SBF2: variants seen among roughly 807,000 people sequenced by gnomAD.
SBF2 encodes SET binding factor 2.
Under a neutral mutation model 225.2 loss-of-function variants are expected in SBF2, and 112 were observed. The observed-to-expected ratio is 0.50, with a 90% CI of 0.43 to 0.58. SBF2 has a LOEUF of 0.58. SBF2 is among the 20% of genes least tolerant of loss of function. The pLI, the probability that SBF2 is intolerant of heterozygous loss-of-function variation, is 0.00. For missense variants in SBF2, 1,996 were observed against 2,206.2 expected (o/e 0.90, Z 1.91); for synonymous variants, 763 against 773.3 (o/e 0.99, Z 0.22).
chr11:10,035,515 T>C (rs991598455), intron 3 of SBF2, among the ~76,000 whole-genome samples: 3 of 152,070 alleles, frequency 2.0e-5, no homozygotes, highest in Non-Finnish European at 2.9e-5. Flanking sequence ...AATCTACCCA[T>C]CTGACAAAGG....
intron 2 of SBF2, among the ~76,000 whole-genome samples, chr11:10,097,519 C>T (rs923399071): frequency 3.9e-5 from 6 of 152,004 alleles, no homozygotes; most frequent in African/African-American, 1.2e-4. Context: ...TATTCCAAAA[C>T]ACATTCTTTA....
chr11:10,096,941 T>C (rs1030721843), intron 2 of SBF2, among the ~76,000 whole-genome samples: 17 of 152,120 alleles, frequency 1.1e-4, no homozygotes, highest in Admixed American at 6.6e-4. Flanking sequence ...AATAAAGAAA[T>C]AAATGCAACA....
At chr11:10,164,714 C>T (rs1280850549) in intron 2 of SBF2, among the ~76,000 whole-genome samples, 2 of 152,140 alleles carry the variant, frequency 1.3e-5, no homozygotes, top group African/African-American at 4.8e-5. Context: ...CAGCTAAAAA[C>T]AGTCCACAGC....
intron 6 of SBF2, among the ~76,000 whole-genome samples, chr11:10,016,039 A>G (rs1284978505): frequency 6.6e-6 from 1 of 152,026 alleles, no homozygotes; most frequent in African/African-American, 2.4e-5. Context: ...GGCCTCCCAA[A>G]GTGCTGAGAT....
chr11:9,852,828 A>G (rs924164739), intron 20 of SBF2, 79 bp from the exon 21 acceptor site: 1 of 1,103,174 alleles, frequency 9.1e-7, no homozygotes, highest in Non-Finnish European at 1.4e-6. Context: ...TTTAGAATTA[A>G]AAGTTAATTA....
At chr11:10,094,891 T>G (rs1240536128) in intron 2 of SBF2, among the ~76,000 whole-genome samples, 1 of 151,342 alleles carries the variant, frequency 6.6e-6, no homozygotes, top group Non-Finnish European at 1.5e-5. Flanking sequence ...CAAGCCTTCT[T>G]AGACTCATGA....
At chr11:9,936,647 T>C (rs900457345) in intron 16 of SBF2, among the ~76,000 whole-genome samples, 1 of 152,202 alleles carries the variant, frequency 6.6e-6, no homozygotes, top group Non-Finnish European at 1.5e-5. Context: ...GTTCATGTCC[T>C]ATGCAGGGAT....
rs115117780 is a variant in SBF2 at position 9,876,202 on chromosome 11, T to C, written c.1930-17806A>G. 6.4e-3 allele frequency among the ~76,000 whole-genome samples: 979 copies of C among 152,344 alleles called. 11 individuals carry two copies. Among genetic ancestry groups the C allele is most frequent in the African/African-American group, 0.022 (931 of 41,584 alleles). ...CTAAACATACTCTTTGCTTTCTCCC[T>C]GCCATGACATTGGTCAAGCTGTTTC... On this transcript the variant is annotated intron_variant, in intron 17 of 39. Coordinates refer to ENST00000256190, the MANE Select transcript of SBF2 (RefSeq NM_030962.4).
intron 16 of SBF2, chr11:9,959,355 T>C (rs1866407694): frequency 1.3e-6 from 1 of 782,776 alleles, no homozygotes; most frequent in Admixed American, 1.7e-5. Context: ...GGGAATCCAC[T>C]GGAAGGCCAA....
chr11:10,147,764 T>C (rs977490078), intron 2 of SBF2, among the ~76,000 whole-genome samples: 4 of 152,200 alleles, frequency 2.6e-5, no homozygotes, highest in African/African-American at 9.7e-5. Flanking sequence ...CTACAAATTC[T>C]ATAATCTACT....
intron 26 of SBF2, among the ~76,000 whole-genome samples, chr11:9,837,281 C>A (rs1448013661): frequency 6.6e-6 from 1 of 152,152 alleles, no homozygotes; most frequent in African/African-American, 2.4e-5. Flanking sequence ...TTCTCTGAGG[C>A]CTTCAGGGCG....
chr11:10,071,926 A>G (rs1950896916), intron 2 of SBF2, among the ~76,000 whole-genome samples: 1 of 152,208 alleles, frequency 6.6e-6, no homozygotes, highest in South Asian at 2.1e-4. Context: ...TTTCGCATCA[A>G]TACAGAAATT....
chr11:10,046,146 A>T (rs1284201183), intron 2 of SBF2, among the ~76,000 whole-genome samples: 1 of 152,122 alleles, frequency 6.6e-6, no homozygotes, highest in Non-Finnish European at 1.5e-5. Flanking sequence ...AAAACATTTG[A>T]ACATCCTCGG....
chr11:10,246,768 A>G (rs1179853424), intron 1 of SBF2, among the ~76,000 whole-genome samples: 1 of 152,236 alleles, frequency 6.6e-6, no homozygotes, highest in Admixed American at 6.5e-5. Context: ...TAATTATAAC[A>G]AACATTTAAG....
At chr11:10,017,644 A>G (rs2134582110) in intron 6 of SBF2, among the ~76,000 whole-genome samples, 1 of 152,326 alleles carries the variant, frequency 6.6e-6, no homozygotes, top group Middle Eastern at 3.4e-3. Flanking sequence ...TCTAAGTAAA[A>G]AAGTAAAAAG....
chr11:10,019,192 T>C (rs562065686), intron 6 of SBF2, among the ~76,000 whole-genome samples: 1 of 152,278 alleles, frequency 6.6e-6, no homozygotes, highest in East Asian at 1.9e-4. Flanking sequence ...AAAACATACT[T>C]CTACCATCAT....
At chr11:10,145,990 A>G (rs1317045597) in intron 2 of SBF2, among the ~76,000 whole-genome samples, 2 of 152,284 alleles carry the variant, frequency 1.3e-5, no homozygotes, top group East Asian at 3.9e-4. Flanking sequence ...AAAAAAAGAA[A>G]GAGATACCTA....
Position 10,080,170 on chromosome 11 carries a change from C to T in SBF2, c.142-37189G>A, listed in dbSNP as rs551259089. Among the ~76,000 whole-genome samples, 1,407 of 150,210 alleles carry T rather than the reference C, an allele frequency of 9.4e-3. 19 individuals carry two copies. The highest frequency in any genetic ancestry group is 0.016 in the Non-Finnish European group (1,069 of 67,656). ...GGCTGAGGCAGGAGAATTGCTTGAA[C>T]CCGGGAGGCAGAGGTTGCAGTGAGC... On this transcript the variant is annotated intron_variant, in intron 2 of 39. Coordinates refer to ENST00000256190, the MANE Select transcript of SBF2 (RefSeq NM_030962.4).
chr11:9,844,880 A>C lies in SBF2; in HGVS notation c.3110+685T>G, dbSNP rs370244484. ...TATGTAACAAACCTGCACGTTCTGC[A>C]CATGTATTCCAGAACTTAAAGTATA... On this transcript the variant is annotated intron_variant, in intron 24 of 39. Transcript: ENST00000256190. Among the ~76,000 whole-genome samples the C allele has an allele frequency of 3.2e-4, 48 of 152,330 alleles. No homozygotes were observed. In the South Asian group the frequency reaches 9.5e-3, roughly 30 times the overall value.
Sources: gnomAD v4.1 joint callset for allele counts (sites outside exome capture counted in the v4.1 genomes callset) on GRCh38, gnomAD v4.1.1 for gene constraint, MANE v1.5 for transcripts, NCBI Gene and HGNC (gene_info 2026-07-23, HGNC 2026-07-21) for gene names.